GLRA2: variants seen among roughly 807,000 people sequenced by gnomAD.
The protein encoded by GLRA2 is glycine receptor alpha 2.
A neutral mutation model predicts 31.6 loss-of-function variants in GLRA2; 11 were observed. That is an observed-to-expected ratio of 0.35 (90% CI 0.22 to 0.58). The LOEUF (loss-of-function observed/expected upper bound fraction) is 0.58, where lower values mean the gene tolerates loss of function less well. GLRA2 is among the 20% of genes least tolerant of loss of function. The probability of loss-of-function intolerance (pLI) is 0.84; values close to 1 mark genes in which losing one functional copy is unlikely to be tolerated. For synonymous variants in GLRA2, 132 were observed against 134.0 expected, an observed-to-expected ratio of 0.99 and a Z score of 0.10; for missense variants, 212 against 351.8, an observed-to-expected ratio of 0.60 and a Z score of 3.18.
intron 7 of GLRA2, among the ~76,000 whole-genome samples, chrX:14,643,558 T>C (rs150298946): frequency 3.8e-4 from 43 of 112,065 alleles, no homozygotes; most frequent in African/African-American, 1.3e-3. Flanking sequence ...TGCAATATAA[T>C]TGAGACAAGG....
At chrX:14,505,369 G>A in the GLRA2 span, among the ~76,000 whole-genome samples, 1 of 111,694 alleles carries the variant, frequency 9.0e-6, no homozygotes, top group Middle Eastern at 4.6e-3. Context: ...CTTGGCTTTA[G>A]CACTGAAAGT....
chrX:14,704,918 G>T (rs2091598642), intron 8 of GLRA2, among the ~76,000 whole-genome samples: 1 of 112,050 alleles, frequency 8.9e-6, no homozygotes, highest in South Asian at 3.7e-4. Context: ...AGAATTTTAA[G>T]AACCATAAGA....
intron 7 of GLRA2, among the ~76,000 whole-genome samples, chrX:14,662,389 T>G (rs1294259893): frequency 1.8e-5 from 2 of 111,714 alleles, no homozygotes; most frequent in African/African-American, 3.2e-5. Context: ...TTTTTTACAT[T>G]AATTTCAGTA....
chrX:14,664,214 G>A (rs1272788743), intron 7 of GLRA2, among the ~76,000 whole-genome samples: 1 of 111,664 alleles, frequency 9.0e-6, no homozygotes, highest in African/African-American at 3.2e-5. Flanking sequence ...TAGACACTGT[G>A]CAATTTCAGC....
chrX:14,521,394 C>T, the GLRA2 span, among the ~76,000 whole-genome samples: 2 of 111,898 alleles, frequency 1.8e-5, no homozygotes. Flanking sequence ...ATAGGACACA[C>T]TTCTCCTTTC....
At chrX:14,556,024 G>A (rs186115129) in intron 2 of GLRA2, among the ~76,000 whole-genome samples, 2 of 111,625 alleles carry the variant, frequency 1.8e-5, no homozygotes, top group African/African-American at 6.5e-5. Context: ...GGGTTATAGG[G>A]TTATAGGAAT....
chrX:14,507,896 G>T, the GLRA2 span, among the ~76,000 whole-genome samples: 2 of 108,675 alleles, frequency 1.8e-5, no homozygotes, highest in Admixed American at 9.8e-5. Flanking sequence ...GTTTCACCAT[G>T]TTGGCCAGGG....
chrX:14,593,890 C>G (rs779967363), intron 4 of GLRA2, among the ~76,000 whole-genome samples: 1 of 113,099 alleles, frequency 8.8e-6, no homozygotes, highest in African/African-American at 3.2e-5. Context: ...TTTTGGGAGA[C>G]ATGTAGCTCA....
At chrX:14,453,358 A>G in the GLRA2 span, among the ~76,000 whole-genome samples, 1 of 111,527 alleles carries the variant, frequency 9.0e-6, no homozygotes, top group Non-Finnish European at 1.9e-5. Context: ...GACATTTGGT[A>G]GGTAGAGGTC....
rs1297955384 is a variant in GLRA2, at chrX:14,530,900, G to A, written c.68+775G>A. The stretch of plus-strand genomic sequence containing the variant: ...GAGAGTGGAAGACTGAGCAGAGACA[G>A]GAGATGCTCTTACAACAAAGTATAG... On this transcript the variant is annotated intron_variant, in intron 1 of 8. Coordinates refer to ENST00000218075, the MANE Select transcript of GLRA2 (RefSeq NM_002063.4). 10 of 787,224 alleles carry A rather than the reference G, an allele frequency of 1.3e-5. No homozygotes were observed. In the East Asian group the frequency reaches 9.1e-4, roughly 71 times the overall value. 64.9% of individuals were successfully genotyped at this position (787,224 alleles called of 1,213,427 possible). A position where few individuals can be genotyped will look rare whatever the true frequency, so the allele number is the denominator to read the frequency against.
At chrX:14,538,726 A>T (rs1451582397) in intron 2 of GLRA2, among the ~76,000 whole-genome samples, 1 of 112,069 alleles carries the variant, frequency 8.9e-6, no homozygotes, top group Non-Finnish European at 1.9e-5. Flanking sequence ...ACTTAGTCCT[A>T]TAAAGGAGGA....
intron 7 of GLRA2, among the ~76,000 whole-genome samples, chrX:14,651,083 C>T: frequency 8.9e-6 from 1 of 112,011 alleles, no homozygotes; most frequent in East Asian, 2.8e-4. Context: ...GTCCAACTAT[C>T]ATAGTGTAGT....
intron 7 of GLRA2, 100 bp downstream of exon 7, chrX:14,609,305 ACT>A (rs1301545116): frequency 1.5e-5 from 7 of 480,663 alleles, no homozygotes; most frequent in Non-Finnish European, 2.5e-5. Flanking sequence ...ACCCTATGAC[ACT>A]GTCATAGATA....
chrX:14,449,960 G>A, the GLRA2 span, among the ~76,000 whole-genome samples: 1 of 111,881 alleles, frequency 8.9e-6, no homozygotes, highest in Non-Finnish European at 1.9e-5. Flanking sequence ...CAGGAAGGGT[G>A]TAGCCTGTCA....
At chrX:14,568,997 G>A (rs1399740650) in intron 2 of GLRA2, among the ~76,000 whole-genome samples, 3 of 112,226 alleles carry the variant, frequency 2.7e-5, no homozygotes, top group Admixed American at 9.4e-5. Flanking sequence ...GCTCATGCCT[G>A]TAATCCCAGC....
At chrX:14,665,725 C>T (rs1478893664) in intron 7 of GLRA2, among the ~76,000 whole-genome samples, 1 of 112,184 alleles carries the variant, frequency 8.9e-6, no homozygotes, top group Non-Finnish European at 1.9e-5. Context: ...TTTCCATAGA[C>T]ATAAATCCCC....
the GLRA2 span, among the ~76,000 whole-genome samples, chrX:14,474,343 G>A: frequency 3.6e-5 from 4 of 111,300 alleles, no homozygotes; most frequent in South Asian, 7.6e-4. Context: ...AATACTTTAC[G>A]CCTCCAGCTG....
the GLRA2 span, among the ~76,000 whole-genome samples, chrX:14,524,143 A>G: frequency 8.9e-6 from 1 of 112,542 alleles, no homozygotes; most frequent in Non-Finnish European, 1.9e-5. Context: ...CTGTGAAACA[A>G]TAAAGCAAAT....
intron 7 of GLRA2, among the ~76,000 whole-genome samples, chrX:14,639,476 T>C (rs2090750310): frequency 8.9e-6 from 1 of 112,308 alleles, no homozygotes; most frequent in Admixed American, 9.4e-5. Flanking sequence ...TTAGGCAACT[T>C]AACAGTCTTA....
Sources: allele counts gnomAD v4.1 joint callset (sites outside exome capture counted in the v4.1 genomes callset), GRCh38; gene constraint gnomAD v4.1.1; transcripts MANE v1.5; gene names NCBI Gene and HGNC (gene_info 2026-07-23, HGNC 2026-07-21).